The following PDGFRL variants were observed in gnomAD, a reference collection of about 807,000 sequenced individuals.
PDGFRL encodes the protein platelet derived growth factor receptor like, also known as platelet-derived growth factor receptor-like protein.
In PDGFRL, 46 loss-of-function variants were observed where a neutral mutation model predicts 37.2. The ratio of observed to expected loss-of-function variants is 1.24; its 90% CI spans 0.98 to 1.58. PDGFRL has a LOEUF of 1.58. Among genes scored for constraint, PDGFRL ranks in the 40% most tolerant of loss-of-function variants. PDGFRL has a pLI of 0.00. For synonymous variants in PDGFRL, 251 were observed against 184.3 expected (o/e 1.36, Z -2.93); for missense variants, 692 against 467.6 (o/e 1.48, Z -4.43).
chr8:17,583,966 C>T (rs1210288156), intron 1 of PDGFRL, among the ~76,000 whole-genome samples: 1 of 152,162 alleles, frequency 6.6e-6, no homozygotes, highest in Non-Finnish European at 1.5e-5. Context: ...GATTCAGCCT[C>T]AGCTATCCCT....
At chr8:17,611,499 T>G (rs1804411033) in intron 2 of PDGFRL, among the ~76,000 whole-genome samples, 1 of 152,114 alleles carries the variant, frequency 6.6e-6, no homozygotes, top group Non-Finnish European at 1.5e-5. Context: ...TCCTTGGGAA[T>G]AGGACCCTGA....
chr8:17,604,819 A>C (rs1326827509), intron 2 of PDGFRL, among the ~76,000 whole-genome samples: 1 of 152,222 alleles, frequency 6.6e-6, no homozygotes, highest in Non-Finnish European at 1.5e-5. Flanking sequence ...ATATGTATAC[A>C]AAGAAAATGC....
chr8:17,598,608 A>C (rs1313872647), intron 2 of PDGFRL, among the ~76,000 whole-genome samples: 2 of 152,202 alleles, frequency 1.3e-5, no homozygotes, highest in Admixed American at 6.5e-5. Context: ...CTAGGCAAAC[A>C]ACAAAGTATT....
rs1312493732 is a variant in PDGFRL, at chr8:17,589,786, CTG to C, written c.353+25_353+26del. On this transcript the variant is annotated intron_variant, in intron 2 of 5. Transcript: ENST00000251630. ...CTCAGGTAAGCATTTTTTTTTAAAACTGTGTAGGGTTGAGGATTTGTAATAGT... is the reference window on the plus strand; with the variant it reads ...CTCAGGTAAGCATTTTTTTTTAAAACTGTAGGGTTGAGGATTTGTAATAGT... 6.1e-6 allele frequency: 9 copies of C among 1,483,382 alleles called. No homozygotes were observed. The East Asian group carries it at 9.1e-5, about 15-fold the overall frequency. The allele number at this position is 1,483,382 out of a possible 1,614,324, so 91.9% of individuals were successfully genotyped here.
intron 1 of PDGFRL, among the ~76,000 whole-genome samples, chr8:17,577,986 G>C (rs1423140338): frequency 6.6e-6 from 1 of 151,896 alleles, no homozygotes; most frequent in African/African-American, 2.4e-5. Context: ...GTTTTTGAAT[G>C]TGTACCTGTC....
rs571236702 is a variant in PDGFRL at position 17,629,738 on chromosome 8, C to A, written c.799+958C>A. The stretch of plus-strand genomic sequence containing the variant: ...ATCCGTTCCACCTCAGATATTCCCA[C>A]CCTCATCACAATGTGAACATGTCAA... On this transcript the variant is annotated intron_variant, in intron 4 of 5. Transcript: ENST00000251630. 5.3e-5 allele frequency among the ~76,000 whole-genome samples: 8 copies of A among 152,298 alleles called. No individual in the cohort carries two copies. The East Asian group carries it at 1.5e-3, about 29-fold the overall frequency.
chr8:17,632,247 G>A (rs945831551), intron 4 of PDGFRL, among the ~76,000 whole-genome samples: 9 of 152,126 alleles, frequency 5.9e-5, no homozygotes, highest in African/African-American at 2.2e-4. Context: ...AAGGGATCAA[G>A]CTAGCATTGT....
Position 17,621,177 on chromosome 8 carries a change from G to A in PDGFRL, c.480G>A (p.Thr160=). 1.2e-6 allele frequency: 2 copies of A among 1,609,180 alleles called. No individual in the cohort carries two copies. Among genetic ancestry groups the A allele is most frequent in the Non-Finnish European group, 8.5e-7 (1 of 1,176,774 alleles). ...TCTGCAGGAAGGACGAGGCCAAAAC[G>A]GGCTCCACCTACATCTTTTTTACAG... ...GYICRKDEAK[T]GSTYIFFTEK... The change falls in exon 3 of 6, where the codon ACG becomes ACA. Residue 160 remains threonine, a synonymous_variant. Coordinates refer to ENST00000251630, the MANE Select transcript of PDGFRL (RefSeq NM_001372073.1).
chr8:17,615,130 T>C (rs1309754784), intron 2 of PDGFRL, among the ~76,000 whole-genome samples: 1 of 152,218 alleles, frequency 6.6e-6, no homozygotes, highest in African/African-American at 2.4e-5. Flanking sequence ...AAAGTGTCTC[T>C]TCCGTATTGC....
chr8:17,615,705 A>T (rs1303863266), intron 2 of PDGFRL, among the ~76,000 whole-genome samples: 4 of 152,178 alleles, frequency 2.6e-5, no homozygotes, highest in African/African-American at 7.2e-5. Context: ...GCTTGAGGCC[A>T]GGAATTCAAG....
intron 2 of PDGFRL, among the ~76,000 whole-genome samples, chr8:17,593,530 C>G (rs1181419356): frequency 1.3e-5 from 2 of 150,324 alleles, no homozygotes; most frequent in African/African-American, 2.5e-5. Context: ...CCCAGGAAGT[C>G]AACGCTGCAG....
At chr8:17,626,726 T>G (rs1303578296) in intron 3 of PDGFRL, among the ~76,000 whole-genome samples, 1 of 152,088 alleles carries the variant, frequency 6.6e-6, no homozygotes, top group Non-Finnish European at 1.5e-5. Context: ...AAGGATTCAA[T>G]GTACCATGCC....
At chr8:17,623,641 A>C (rs953157392) in intron 3 of PDGFRL, among the ~76,000 whole-genome samples, 1 of 152,108 alleles carries the variant, frequency 6.6e-6, no homozygotes, top group African/African-American at 2.4e-5. Flanking sequence ...TTGGGAGGCC[A>C]CGGCGGGCGG....
chr8:17,637,593 T>G (rs976042393), intron 5 of PDGFRL, among the ~76,000 whole-genome samples: 3 of 152,220 alleles, frequency 2.0e-5, no homozygotes, highest in Admixed American at 2.0e-4. Flanking sequence ...ACAGAATGAT[T>G]TAGGGAGGAT....
At chr8:17,624,559 C>T (rs1384618037) in intron 3 of PDGFRL, among the ~76,000 whole-genome samples, 1 of 152,160 alleles carries the variant, frequency 6.6e-6, no homozygotes, top group Non-Finnish European at 1.5e-5. Context: ...GCAGAGCTTT[C>T]TCATAGTAAA....
At chr8:17,586,184 C>A (rs1377258072) in intron 1 of PDGFRL, among the ~76,000 whole-genome samples, 1 of 152,182 alleles carries the variant, frequency 6.6e-6, no homozygotes, top group Non-Finnish European at 1.5e-5. Flanking sequence ...GAACTCCTGG[C>A]CTCAAGTGAT....
At chr8:17,578,824 G>A (rs929437668) in intron 1 of PDGFRL, among the ~76,000 whole-genome samples, 3 of 152,138 alleles carry the variant, frequency 2.0e-5, no homozygotes, top group Admixed American at 2.0e-4. Flanking sequence ...TGAGACAATT[G>A]GAGAAAGTGG....
At chr8:17,613,434 G>A (rs970915518) in intron 2 of PDGFRL, among the ~76,000 whole-genome samples, 1 of 152,196 alleles carries the variant, frequency 6.6e-6, no homozygotes, top group South Asian at 2.1e-4. Flanking sequence ...AAAAGGGAAG[G>A]GGGACTTCGC....
At chr8:17,604,521 T>C (rs7829703) in intron 2 of PDGFRL, among the ~76,000 whole-genome samples, 1 of 151,178 alleles carries the variant, frequency 6.6e-6, no homozygotes, top group African/African-American at 2.4e-5. Context: ...CACTCATAGG[T>C]AGGAATTGAA....
Sources: gnomAD v4.1 joint callset for allele counts (sites outside exome capture counted in the v4.1 genomes callset) on GRCh38, gnomAD v4.1.1 for gene constraint, MANE v1.5 for transcripts, NCBI Gene and HGNC (gene_info 2026-07-23, HGNC 2026-07-21) for gene names.